The following SLF1 variants were observed in gnomAD, a reference collection of about 807,000 sequenced individuals.
SLF1 encodes SMC5/6 complex localization factor 1, also known as SMC5-SMC6 complex localization factor protein 1.
A neutral mutation model predicts 123.0 loss-of-function variants in SLF1; 105 were observed. The ratio of observed to expected loss-of-function variants is 0.85; its 90% CI spans 0.73 to 1.00. The LOEUF (loss-of-function observed/expected upper bound fraction) is 1.00. SLF1 is among the 50% of genes least tolerant of loss of function. The pLI, the probability that SLF1 is intolerant of heterozygous loss-of-function variation, is 0.00. For missense variants in SLF1, 1,239 were observed against 1,223.0 expected (o/e 1.01, Z -0.20); for synonymous variants, 434 against 406.6 (o/e 1.07, Z -0.81).
Position 94,643,346 on chromosome 5 carries a change from A to T in SLF1, c.505A>T (p.Ser169Cys). ...SPSGITHVIASNARIKAEKEK... is the reference protein window; with the variant it reads ...SPSGITHVIACNARIKAEKEK... ...AAGTGGAATAACTCATGTGATTGCC[A>T]GTAATGCAAGAATTAAAGCTGAGAA... The change falls in exon 5 of 21, where the codon AGT (serine) becomes TGT (cysteine). Residue 169 changes from serine to cysteine, a missense_variant. Coordinates refer to ENST00000265140, the MANE Select transcript of SLF1 (RefSeq NM_032290.4). 5 of 1,545,772 alleles carry T rather than the reference A, an allele frequency of 3.2e-6. No homozygotes were observed. Among genetic ancestry groups the T allele is most frequent in the Non-Finnish European group, 4.4e-6 (5 of 1,143,790 alleles).
At chr5:94,626,508 G>C (rs777902776) in intron 1 of SLF1, among the ~76,000 whole-genome samples, 1 of 152,088 alleles carries the variant, frequency 6.6e-6, no homozygotes, top group African/African-American at 2.4e-5. Flanking sequence ...GAGTTTTAGA[G>C]GGTTAAAATA....
At chr5:94,694,250 G>C (rs1753346357) in intron 20 of SLF1, among the ~76,000 whole-genome samples, 1 of 151,856 alleles carries the variant, frequency 6.6e-6, no homozygotes, top group African/African-American at 2.4e-5. Context: ...AGTTTAACTA[G>C]TATAGATGGA....
In SLF1 at chr5:94,647,652, C is replaced by T. The variant is rs76832501; in HGVS notation, c.595-1802C>T. Among the ~76,000 whole-genome samples, 320 of 152,196 alleles carry T rather than the reference C, an allele frequency of 2.1e-3. 2 individuals carry two copies. The highest frequency in any genetic ancestry group is 7.3e-3 in the African/African-American group (302 of 41,520). The stretch of plus-strand genomic sequence containing the variant: ...CAAACACCTAACCCATTGCCTAGTA[C>T]GTAAGTTGACACTAAGATACTTATA... On this transcript the variant is annotated intron_variant, in intron 5 of 20. Coordinates refer to ENST00000265140, the MANE Select transcript of SLF1 (RefSeq NM_032290.4).
intron 9 of SLF1, among the ~76,000 whole-genome samples, chr5:94,657,107 CTCT>C (rs1044770330): frequency 3.3e-5 from 5 of 149,538 alleles, no homozygotes; most frequent in East Asian, 1.9e-4. Flanking sequence ...TTTGTTCTTG[CTCT>C]TCTTCTTCCT....
chr5:94,653,233 A>G, intron 7 of SLF1, 39 bp from the exon 8 acceptor site: 1 of 1,451,694 alleles, frequency 6.9e-7, no homozygotes, highest in Non-Finnish European at 9.2e-7. Flanking sequence ...AACATATGTC[A>G]TTGATGTTGA....
intron 12 of SLF1, among the ~76,000 whole-genome samples, chr5:94,668,643 C>T (rs1750092915): frequency 6.6e-6 from 1 of 151,774 alleles, no homozygotes; most frequent in South Asian, 2.1e-4. Flanking sequence ...GCCTACATGA[C>T]TAATTTTTAA....
At chr5:94,633,650 G>A (rs892720714) in intron 4 of SLF1, among the ~76,000 whole-genome samples, 35 of 152,152 alleles carry the variant, frequency 2.3e-4, no homozygotes, top group Non-Finnish European at 2.6e-4. Context: ...ACATGGTTGT[G>A]TACTAAAAAA....
chr5:94,622,559 C>T (rs1449609027), intron 1 of SLF1, among the ~76,000 whole-genome samples: 2 of 152,066 alleles, frequency 1.3e-5, no homozygotes, highest in African/African-American at 4.8e-5. Flanking sequence ...CAACATCCCT[C>T]CCCAGTGTTA....
chr5:94,678,121 C>T (rs1000655910), intron 14 of SLF1, among the ~76,000 whole-genome samples: 2 of 151,980 alleles, frequency 1.3e-5, no homozygotes, highest in Non-Finnish European at 2.9e-5. Flanking sequence ...GGGGTTTCAC[C>T]GTGTTAGCCA....
At chr5:94,625,976 C>T (rs529093672) in intron 1 of SLF1, among the ~76,000 whole-genome samples, 1 of 151,902 alleles carries the variant, frequency 6.6e-6, no homozygotes, top group South Asian at 2.1e-4. Context: ...ATGATTAGGT[C>T]GGGCGCGGTG....
rs1351057589 is a variant in SLF1 at position 94,654,760 on chromosome 5, T to A, written c.1155+8T>A. On this transcript the variant is annotated splice_region_variant and intron_variant, in intron 9 of 20. Transcript: ENST00000265140. ...CACATATATAGAGCTCAGGTAAAAC[T>A]TGGCACATGAAAAATTTTGTATAAT... The A allele has an allele frequency of 2.3e-5, 34 of 1,487,276 alleles. No homozygotes were observed. Among genetic ancestry groups the A allele is most frequent in the Non-Finnish European group, 3.0e-5 (34 of 1,119,940 alleles). The allele number at this position is 1,487,276 out of a possible 1,614,324, so 92.1% of individuals were successfully genotyped here. A position where few individuals can be genotyped will look rare whatever the true frequency, so the allele number is the denominator to read the frequency against.
rs1752695356 is a variant in SLF1 at position 94,688,423 on chromosome 5, T to C, written c.2122-83T>C. The C allele has an allele frequency of 1.8e-5, 25 of 1,389,868 alleles. No homozygotes were observed. In the South Asian group the frequency reaches 3.1e-4, roughly 17 times the overall value. The allele number at this position is 1,389,868 out of a possible 1,614,324, so 86.1% of individuals were successfully genotyped here. Reference sequence around the variant, plus strand: ...ATGCAACCAAGAAAATATAACCAAATGTAATAGTGAAATGAATCAAATAAT... The same window carrying C: ...ATGCAACCAAGAAAATATAACCAAACGTAATAGTGAAATGAATCAAATAAT... On this transcript the variant is annotated intron_variant, in intron 16 of 20. Transcript: ENST00000265140.
rs1479669537 is a variant in SLF1 at position 94,630,563 on chromosome 5, A to G, written c.251A>G (p.Asp84Gly). Residue 84 changes from aspartate (D) to glycine (G), a missense_variant, in exon 4 of 21, where the codon GAT (aspartate) becomes GGT (glycine). Coordinates refer to ENST00000265140, the MANE Select transcript of SLF1 (RefSeq NM_032290.4). ...AGTGCCAAAAGTGGCAGATGGCTTG[A>G]TGAAACAACTTATGAATGGGGATAT... Reference protein sequence around the residue: ...IHSAKSGRWLDETTYEWGYKI... With the variant: ...IHSAKSGRWLGETTYEWGYKI... 4.5e-6 allele frequency: 7 copies of G among 1,551,572 alleles called. No individual in the cohort carries two copies. The highest frequency in any genetic ancestry group is 6.1e-6 in the Non-Finnish European group (7 of 1,146,970).
At chr5:94,622,864 A>C (rs1791918144) in intron 1 of SLF1, among the ~76,000 whole-genome samples, 1 of 152,142 alleles carries the variant, frequency 6.6e-6, no homozygotes, top group East Asian at 1.9e-4. Flanking sequence ...AATGTAGAGT[A>C]GGGAAAAGTT....
intron 4 of SLF1, among the ~76,000 whole-genome samples, chr5:94,632,509 C>A (rs1460553347): frequency 1.3e-5 from 2 of 152,052 alleles, no homozygotes; most frequent in East Asian, 3.9e-4. Flanking sequence ...ACTATGTATT[C>A]TCCGCTTGTT....
intron 5 of SLF1, among the ~76,000 whole-genome samples, chr5:94,648,049 T>C (rs552168745): frequency 6.6e-6 from 1 of 152,294 alleles, no homozygotes; most frequent in South Asian, 2.1e-4. Flanking sequence ...GATTAATTCA[T>C]CCTGTATTCT....
chr5:94,659,992 G>T (rs1163290994), intron 9 of SLF1, among the ~76,000 whole-genome samples: 1 of 152,156 alleles, frequency 6.6e-6, no homozygotes, highest in Non-Finnish European at 1.5e-5. Flanking sequence ...GCACATGTGG[G>T]TGGTTATCAG....
chr5:94,635,903 T>C (rs1236586965), intron 4 of SLF1, among the ~76,000 whole-genome samples: 1 of 152,216 alleles, frequency 6.6e-6, no homozygotes, highest in African/African-American at 2.4e-5. Context: ...TTTTATACTT[T>C]TGTATGTTTT....
In SLF1 at chr5:94,627,585, CATATATATATATATATATATAT is replaced by C. The variant is rs58847356; in HGVS notation, c.1-1212_1-1191del. ...TCTACCTTGTAAATGATGAAATTAA[CATATATATATATATATATATAT>C]ATATATATATATAGCAAAGTTAAGA... On this transcript the variant is annotated intron_variant, in intron 1 of 20. Transcript: ENST00000265140. Among the ~76,000 whole-genome samples the C allele has an allele frequency of 1.4e-3, 120 of 86,852 alleles. 4 individuals are homozygous for C. Among genetic ancestry groups the C allele is most frequent in the African/African-American group, 4.5e-3 (105 of 23,302 alleles). 57.0% of individuals were successfully genotyped at this position (86,852 alleles called of 152,430 possible).
Sources: allele counts gnomAD v4.1 joint callset (sites outside exome capture counted in the v4.1 genomes callset), GRCh38; gene constraint gnomAD v4.1.1; transcripts MANE v1.5; gene names NCBI Gene and HGNC (gene_info 2026-07-23, HGNC 2026-07-21).